The following ISYNA1 variants were observed in gnomAD, a reference collection of about 807,000 sequenced individuals.
The protein encoded by ISYNA1 is MI-1-P synthase.
Under a neutral mutation model 50.3 loss-of-function variants are expected in ISYNA1, and 34 were observed. The ratio of observed to expected loss-of-function variants is 0.68; its 90% CI spans 0.51 to 0.90. The LOEUF (loss-of-function observed/expected upper bound fraction) is 0.90. Among genes scored for constraint, ISYNA1 ranks in the 40% least tolerant of loss-of-function variants. The probability of loss-of-function intolerance (pLI) is 0.00; values close to 1 mark genes in which losing one functional copy is unlikely to be tolerated. For synonymous variants in ISYNA1, 396 were observed against 349.9 expected, an observed-to-expected ratio of 1.13 and a Z score of -1.47; for missense variants, 718 against 784.8, an observed-to-expected ratio of 0.91 and a Z score of 1.02.
In ISYNA1 at chr19:18,437,206, G is replaced by A. The variant is rs887573944; in HGVS notation, c.283-101C>T. 8 of 1,459,044 alleles carry A rather than the reference G, an allele frequency of 5.5e-6. No homozygotes were observed. In the African/African-American group the frequency reaches 8.5e-5, roughly 16 times the overall value. The allele number at this position is 1,459,044 out of a possible 1,614,324, so 90.4% of individuals were successfully genotyped here. ...GACTCTCAAGCCCCGCCCCACTTTC[G>A]GGCATTTTTCAGTTCCAGGCTCACA... On this transcript the variant is annotated intron_variant, in intron 3 of 10. Coordinates refer to ENST00000338128, the MANE Select transcript of ISYNA1 (RefSeq NM_016368.5).
In ISYNA1 at chr19:18,436,689, G is replaced by T; in HGVS notation, c.604C>A (p.Gln202Lys). Residue 202 changes from glutamine (Q) to lysine (K), a missense_variant, in exon 5 of 11, where the codon CAG becomes AAG. Gln to Lys is a moderately conservative substitution (Grantham distance 53). This residue lies in a region of ISYNA1 where 403 missense variants were observed against 466.6 expected (regional missense o/e 0.86). Coordinates refer to ENST00000338128, the MANE Select transcript of ISYNA1 (RefSeq NM_016368.5). ...GATGCGGGATGGGACAGCACCTGCT[G>T]CGCACGCGAGCCTGGGATGAGGTTG... is the stretch of plus-strand genomic sequence containing the variant. ...ADNLIPGSRA[Q>K]QLEQIRRDIR... 1 of 1,568,162 alleles carries T rather than the reference G, an allele frequency of 6.4e-7. No homozygotes were observed. The highest frequency in any genetic ancestry group is 8.6e-7 in the Non-Finnish European group (1 of 1,159,366).
chr19:18,435,853 C>A lies in ISYNA1; in HGVS notation c.1044G>T (p.Gln348His). 6.2e-7 allele frequency: 1 copy of A among 1,614,046 alleles called. No homozygotes were observed. ...NDGENLSAPL[Q>H]FRSKEVSKSN... ...TCTTGGACACCTCCTTAGAGCGGAA[C>A]TGCAATGGCGCCGATAGGTTCTCCC... Residue 348 changes from glutamine to histidine, a missense_variant, in exon 8 of 11, where the codon CAG becomes CAT. This residue lies in a region of ISYNA1 where 305 missense variants were observed against 292.6 expected (regional missense o/e 1.04). Coordinates refer to ENST00000338128, the MANE Select transcript of ISYNA1 (RefSeq NM_016368.5).
rs1163354634 is a variant in ISYNA1, at chr19:18,435,918, T to C, written c.979A>G (p.Met327Val). ...AGGTGGTTGTAACTCACGATGGACA[T>C]GGTCTGTGGGTACAAGGGAAGCCCC... ...DFLIGSGLKT[M>V]SIVSYNHLGN... Residue 327 changes from methionine (M) to valine (V), a missense_variant, in exon 8 of 11, where the codon ATG becomes GTG. Around this residue, in one of 3 missense-constraint regions of ISYNA1, gnomAD observed 403 missense variants for 466.6 expected, o/e 0.86. Coordinates refer to ENST00000338128, the MANE Select transcript of ISYNA1 (RefSeq NM_016368.5). The C allele has an allele frequency of 6.2e-7, 1 of 1,613,934 alleles. No individual in the cohort carries two copies.
chr19:18,436,741 G>C lies in ISYNA1; in HGVS notation c.552C>G (p.Ile184Met), dbSNP rs773743984. 2.5e-6 allele frequency: 4 copies of C among 1,569,876 alleles called. No homozygotes were observed. Residue 184 changes from isoleucine (I) to methionine (M), a missense_variant, in exon 5 of 11, where the codon ATC becomes ATG. Ile to Met is a conservative substitution (Grantham distance 10, BLOSUM62 1). Coordinates refer to ENST00000338128, the MANE Select transcript of ISYNA1 (RefSeq NM_016368.5). Reference sequence around the variant, plus strand: ...CCGCGCGCGCGCTCTGGTTGGCCGCGATGAATTCGGGGATGTAAACAGAAG... The same window carrying C: ...CCGCGCGCGCGCTCTGGTTGGCCGCCATGAATTCGGGGATGTAAACAGAAG... ...PRPSVYIPEF[I>M]AANQSARADN...
At chr19:18,438,065 G>A in intron 1 of ISYNA1, 28 bp downstream of exon 1, 1 of 1,394,012 alleles carries the variant, frequency 7.2e-7, no homozygotes, top group Non-Finnish European at 9.6e-7. Context: ...TCCCCACGGA[G>A]GCCGTCCCTG....
chr19:18,437,692 A>C lies in ISYNA1; in HGVS notation c.189T>G (p.Leu63=). The stretch of plus-strand genomic sequence containing the variant: ...AGCCGTTGTTCCCGCCCCAGCCGAC[A>C]AGCATGACCCCGAGCCGGGGCACCT... The part of the protein sequence containing the change: ...ARQVPRLGVM[L]VGWGGNNGST... Residue 63 remains leucine (L), a synonymous_variant, in exon 3 of 11, where the codon CTT becomes CTG. Transcript: ENST00000338128. 3 of 1,551,668 alleles carry C rather than the reference A, an allele frequency of 1.9e-6. No individual in the cohort carries two copies. The highest frequency in any genetic ancestry group is 1.7e-6 in the Non-Finnish European group (2 of 1,151,414).
Position 18,436,885 on chromosome 19 carries a change from G to T in ISYNA1, c.416-8C>A. ...GCGACGAGATGTCCCAGCCTGGGGGGACCCTCACACTCGGCCCTGCCCGGA... is the reference window on the plus strand; with the variant it reads ...GCGACGAGATGTCCCAGCCTGGGGGTACCCTCACACTCGGCCCTGCCCGGA... On this transcript the variant is annotated splice_region_variant and splice_polypyrimidine_tract_variant and intron_variant, in intron 4 of 10. Transcript: ENST00000338128. The T allele has an allele frequency of 2.5e-6, 4 of 1,595,622 alleles. No individual in the cohort carries two copies. The highest frequency in any genetic ancestry group is 3.4e-6 in the Non-Finnish European group (4 of 1,173,282).
chr19:18,435,385 C>T lies in ISYNA1; in HGVS notation c.1353G>A (p.Gln451=), dbSNP rs1426322886. Residue 451 remains glutamine (Q), a synonymous_variant, in exon 10 of 11, where the codon CAG becomes CAA. Transcript: ENST00000338128. The part of the protein sequence containing the change: ...SFCTDMDPEP[Q]TFHPVLSLLS... Reference sequence around the variant, plus strand: ...GCAGGGACAGCACGGGGTGGAAGGTCTGCGGCTCGGGGTCCATGTCAGTGC... The same window carrying T: ...GCAGGGACAGCACGGGGTGGAAGGTTTGCGGCTCGGGGTCCATGTCAGTGC... 1.2e-6 allele frequency: 2 copies of T among 1,611,538 alleles called. No individual in the cohort carries two copies. The highest frequency in any genetic ancestry group is 2.2e-5 in the South Asian group (2 of 91,088).
In ISYNA1 at chr19:18,435,388, C is replaced by G. The variant is rs147465943; in HGVS notation, c.1350G>C (p.Pro450=). 1 of 1,611,362 alleles carries G rather than the reference C, an allele frequency of 6.2e-7. No homozygotes were observed. Among genetic ancestry groups the G allele is most frequent in the South Asian group, 1.1e-5 (1 of 91,090 alleles). ...VSFCTDMDPE[P]QTFHPVLSLL... ...GGGACAGCACGGGGTGGAAGGTCTGCGGCTCGGGGTCCATGTCAGTGCAGA... is the reference window on the plus strand; with the variant it reads ...GGGACAGCACGGGGTGGAAGGTCTGGGGCTCGGGGTCCATGTCAGTGCAGA... Residue 450 remains proline, a synonymous_variant, in exon 10 of 11, where the codon CCG becomes CCC. Transcript: ENST00000338128.
Position 18,434,692 on chromosome 19 carries a change from C to G in ISYNA1, c.*221G>C. On this transcript the variant is annotated 3_prime_UTR_variant, in exon 11 of 11. Coordinates refer to ENST00000338128, the MANE Select transcript of ISYNA1 (RefSeq NM_016368.5). ...AGAGCGAGGCTCCAGGTTCTGGGCT[C>G]TCCCTGGGAGTTGGGGTGATGACCA... 1.7e-6 allele frequency: 1 copy of G among 591,130 alleles called. No homozygotes were observed. Among genetic ancestry groups the G allele is most frequent in the Non-Finnish European group, 3.0e-6 (1 of 332,886 alleles). The allele number at this position is 591,130 out of a possible 1,614,324, so 36.6% of individuals were successfully genotyped here.
chr19:18,437,755 G>GT lies in ISYNA1; in HGVS notation c.125dup (p.His42GlnfsTer176). The GT allele has an allele frequency of 6.3e-7, 1 of 1,580,426 alleles. No individual in the cohort carries two copies. The highest frequency in any genetic ancestry group is 2.3e-5 in the East Asian group (1 of 43,512). On this transcript the variant is annotated frameshift_variant, in exon 3 of 11. Coordinates refer to ENST00000338128, the MANE Select transcript of ISYNA1 (RefSeq NM_016368.5). LOFTEE classifies it high-confidence loss of function. ...GGAAGGTGAAGCGCGTGGACGTGGG[G>GT]TGCACCTGAAGACAGGCCGCGCAGT...
chr19:18,436,832 G>A lies in ISYNA1; in HGVS notation c.461C>T (p.Ala154Val). 1 of 1,596,040 alleles carries A rather than the reference G, an allele frequency of 6.3e-7. No homozygotes were observed. Among genetic ancestry groups the A allele is most frequent in the Non-Finnish European group, 8.5e-7 (1 of 1,174,338 alleles). ...CTGCAGCCCCCAGTCCAGCACCTTCGCGCGCCGCATCGCCTCGGCCAGGTT... is the reference window on the plus strand; with the variant it reads ...CTGCAGCCCCCAGTCCAGCACCTTCACGCGCCGCATCGCCTCGGCCAGGTT... ...SLNLAEAMRR[A>V]KVLDWGLQEQ... The change falls in exon 5 of 11, where the codon GCG becomes GTG. Residue 154 changes from alanine (A) to valine (V), a missense_variant. Physicochemically the swap from Ala to Val is moderately conservative, Grantham distance 64 (BLOSUM62 0). Coordinates refer to ENST00000338128, the MANE Select transcript of ISYNA1 (RefSeq NM_016368.5).
At position 18,436,205 on chromosome 19, in the gene ISYNA1, T is replaced by C. The variant is rs986311464; in HGVS notation, c.802A>G (p.Ser268Gly). 44 of 1,610,726 alleles carry C rather than the reference T, an allele frequency of 2.7e-5. No homozygotes were observed. Among genetic ancestry groups the C allele is most frequent in the Non-Finnish European group, 3.6e-5 (42 of 1,179,996 alleles). ...VSPSTLFAVA[S>G]ILEGCAFLNG... The stretch of plus-strand genomic sequence containing the variant: ...AGGAAGGCACAGCCCTCCAGGATGC[T>C]GGCCACGGCGAAGAGCGTGGAGGGC... Residue 268 changes from serine (S) to glycine (G), a missense_variant, in exon 7 of 11, where the codon AGC (serine) becomes GGC (glycine). Physicochemically the swap from Ser to Gly is moderately conservative, Grantham distance 56 (BLOSUM62 0). Around this residue, in one of 3 missense-constraint regions of ISYNA1, gnomAD observed 403 missense variants for 466.6 expected, o/e 0.86. Coordinates refer to ENST00000338128, the MANE Select transcript of ISYNA1 (RefSeq NM_016368.5).
At position 18,435,445 on chromosome 19, in the gene ISYNA1, C is replaced by T. The variant is rs779649227; in HGVS notation, c.1293G>A (p.Ala431=). The part of the protein sequence containing the change: ...LLAAPIMLDL[A]LLTELCQRVS... ...CGCGCTGGCACAGCTCGGTCAGCAG[C>T]GCTAGGTCCAGCATGATGGGTGCGG... is the stretch of plus-strand genomic sequence containing the variant. Residue 431 remains alanine, a synonymous_variant, in exon 10 of 11, where the codon GCG becomes GCA. Coordinates refer to ENST00000338128, the MANE Select transcript of ISYNA1 (RefSeq NM_016368.5). 9 of 1,609,646 alleles carry T rather than the reference C, an allele frequency of 5.6e-6. No homozygotes were observed. In the African/African-American group the frequency reaches 9.3e-5, roughly 17 times the overall value.
chr19:18,437,527 T>G, intron 3 of ISYNA1, 72 bp downstream of exon 3: 18 of 331,926 alleles, frequency 5.4e-5, no homozygotes, highest in African/African-American at 1.0e-4. Context: ...CCCCGCCCCC[T>G]GCAGGCTCCC....
chr19:18,436,600 G>C, intron 5 of ISYNA1, 84 bp downstream of exon 5: 2 of 1,599,086 alleles, frequency 1.3e-6, no homozygotes. Flanking sequence ...AGTGAGGCCT[G>C]GATTCGCGGG....
intron 10 of ISYNA1, 47 bp from the exon 11 acceptor site, chr19:18,435,164 AAGG>A (rs775818129): frequency 6.9e-6 from 11 of 1,603,588 alleles, no homozygotes; most frequent in African/African-American, 4.0e-5. Context: ...CACAGGGAGA[AAGG>A]GGGGGTATCC....
intron 3 of ISYNA1, 129 bp from the exon 4 acceptor site, chr19:18,437,234 C>A: frequency 6.9e-7 from 1 of 1,443,758 alleles, no homozygotes; most frequent in Non-Finnish European, 9.1e-7. Flanking sequence ...GGCTCACAGC[C>A]AGGACGGAAG....
At chr19:18,437,274 C>T (rs903831659) in intron 3 of ISYNA1, 169 bp from the exon 4 acceptor site, 5 of 1,425,670 alleles carry the variant, frequency 3.5e-6, no homozygotes, top group Non-Finnish European at 4.6e-6. Context: ...CCCCTGAGAC[C>T]TCCGGCACCT....
Sources: allele counts gnomAD v4.1 joint callset, GRCh38; gene constraint gnomAD v4.1.1; regional missense constraint gnomAD v4.1.1; transcripts MANE v1.5; gene names NCBI Gene and HGNC (gene_info 2026-07-23, HGNC 2026-07-21).